The following PCDH9 variants were observed in gnomAD, a reference collection of about 807,000 sequenced individuals.
PCDH9 encodes the protein protocadherin 9.
Under a neutral mutation model 70.6 loss-of-function variants are expected in PCDH9, and 24 were observed. That is an observed-to-expected ratio of 0.34 (90% CI 0.25 to 0.48). The LOEUF is 0.48. Among genes scored for constraint, PCDH9 ranks in the 20% least tolerant of loss-of-function variants. PCDH9 has a pLI of 0.99. For synonymous variants in PCDH9, 562 were observed against 558.5 expected (o/e 1.01, Z -0.09); for missense variants, 1,281 against 1,503.6 (o/e 0.85, Z 2.45).
chr13:67,067,822 T>C (rs879413008), intron 2 of PCDH9, among the ~76,000 whole-genome samples: 18 of 151,986 alleles, frequency 1.2e-4, no homozygotes, highest in African/African-American at 4.3e-4. Flanking sequence ...ACATTAAAGA[T>C]TGAAAACTAG....
At chr13:67,117,565 G>A (rs1192909371) in intron 2 of PCDH9, among the ~76,000 whole-genome samples, 1 of 152,096 alleles carries the variant, frequency 6.6e-6, no homozygotes, top group African/African-American at 2.4e-5. Flanking sequence ...AGGAAAAAGA[G>A]TAAAGTATAA....
At chr13:66,952,630 A>C (rs944926305) in intron 2 of PCDH9, among the ~76,000 whole-genome samples, 7 of 152,118 alleles carry the variant, frequency 4.6e-5, no homozygotes, top group African/African-American at 1.7e-4. Flanking sequence ...CCTCCATTAC[A>C]TCTTGGCTAC....
At chr13:66,424,394 A>G (rs1282982988) in intron 4 of PCDH9, among the ~76,000 whole-genome samples, 1 of 151,912 alleles carries the variant, frequency 6.6e-6, no homozygotes, top group Non-Finnish European at 1.5e-5. Context: ...CTTCTTCAGG[A>G]AGGTTAAATG....
chr13:67,061,848 T>C (rs1368200036), intron 2 of PCDH9, among the ~76,000 whole-genome samples: 1 of 152,154 alleles, frequency 6.6e-6, no homozygotes, highest in Non-Finnish European at 1.5e-5. Context: ...AATTCCTTTC[T>C]TGAATCGTCT....
rs1239218768 is a variant in PCDH9, at chr13:66,322,189, T to C, written c.3341-17161A>G. ...AAAATTTCTTTCTATGAGAATACAT[T>C]CTGGGTTCAGAGTACTCAAGTCCCT... is the stretch of plus-strand genomic sequence containing the variant. On this transcript the variant is annotated intron_variant, in intron 4 of 4. Coordinates refer to ENST00000377865, the MANE Select transcript of PCDH9 (RefSeq NM_203487.3). 3.9e-5 allele frequency among the ~76,000 whole-genome samples: 6 copies of C among 151,948 alleles called. No homozygotes were observed. In the South Asian group the frequency reaches 8.3e-4, roughly 21 times the overall value.
intron 4 of PCDH9, among the ~76,000 whole-genome samples, chr13:66,556,777 G>A (rs1961758906): frequency 6.6e-6 from 1 of 151,950 alleles, no homozygotes; most frequent in Non-Finnish European, 1.5e-5. Flanking sequence ...ATAGCTGTTT[G>A]GTAGAAAGAA....
intron 4 of PCDH9, among the ~76,000 whole-genome samples, chr13:66,459,025 G>C (rs1472025559): frequency 6.6e-6 from 1 of 151,956 alleles, no homozygotes; most frequent in Non-Finnish European, 1.5e-5. Flanking sequence ...AGGGGGAGCA[G>C]AGGGTGCTTT....
intron 3 of PCDH9, among the ~76,000 whole-genome samples, chr13:66,799,814 C>T (rs1034304833): frequency 5.3e-5 from 8 of 152,096 alleles, no homozygotes; most frequent in African/African-American, 1.4e-4. Context: ...AAAATGTGGG[C>T]TTTTGGCAAT....
intron 2 of PCDH9, among the ~76,000 whole-genome samples, chr13:67,135,722 C>G (rs9599188): frequency 6.6e-6 from 1 of 151,888 alleles, no homozygotes; most frequent in South Asian, 2.1e-4. Context: ...CAATTAAAAA[C>G]AAAAAAGCAC....
intron 4 of PCDH9, 123 bp downstream of exon 4, chr13:66,631,087 C>A: frequency 1.6e-6 from 1 of 644,228 alleles, no homozygotes; most frequent in Non-Finnish European, 2.8e-6. Context: ...ACAGCAACAA[C>A]AATAAAGCCA....
chr13:66,473,726 T>C (rs1958664272), intron 4 of PCDH9, among the ~76,000 whole-genome samples: 1 of 152,170 alleles, frequency 6.6e-6, no homozygotes, highest in Non-Finnish European at 1.5e-5. Context: ...GAGCTAAAGC[T>C]CAAGTTATTA....
At chr13:67,093,729 G>A (rs1361711911) in intron 2 of PCDH9, among the ~76,000 whole-genome samples, 1 of 152,152 alleles carries the variant, frequency 6.6e-6, no homozygotes, top group Non-Finnish European at 1.5e-5. Context: ...TGGGGCCCAT[G>A]ACTGGGGCTG....
chr13:66,625,828 T>A (rs1234487393), intron 4 of PCDH9, among the ~76,000 whole-genome samples: 3 of 151,634 alleles, frequency 2.0e-5, no homozygotes, highest in African/African-American at 7.3e-5. Flanking sequence ...ACCTGGCTCA[T>A]TTTTTTTGTA....
At chr13:66,431,241 A>C (rs996070937) in intron 4 of PCDH9, among the ~76,000 whole-genome samples, 9 of 152,118 alleles carry the variant, frequency 5.9e-5, no homozygotes, top group African/African-American at 2.2e-4. Context: ...TATAAAATGT[A>C]TAAAATGTAT....
intron 3 of PCDH9, among the ~76,000 whole-genome samples, chr13:66,714,471 A>C (rs2078843172): frequency 1.3e-5 from 2 of 151,952 alleles, no homozygotes; most frequent in South Asian, 4.1e-4. Context: ...CTCAAAAAAA[A>C]AAAAACAAAA....
In PCDH9 at chr13:66,562,720, G is replaced by A. The variant is rs963918033; in HGVS notation, c.3340+68490C>T. On this transcript the variant is annotated intron_variant, in intron 4 of 4. Transcript: ENST00000377865. ...TGCAATTCAAGATGAGATTTGGGTGGAGACACAGCCAAATGGTATCAATGC... is the reference window on the plus strand; with the variant it reads ...TGCAATTCAAGATGAGATTTGGGTGAAGACACAGCCAAATGGTATCAATGC... 2.6e-5 allele frequency among the ~76,000 whole-genome samples: 4 copies of A among 152,146 alleles called. No individual in the cohort carries two copies. In the South Asian group the frequency reaches 8.3e-4, roughly 32 times the overall value.
At chr13:66,834,370 G>T (rs146171622) in intron 3 of PCDH9, among the ~76,000 whole-genome samples, 2,463 of 151,954 alleles carry the variant, frequency 0.016, 82 homozygotes, top group African/African-American at 0.056. Flanking sequence ...TCAAACTGCT[G>T]ACCTCAGGTG....
At chr13:66,399,748 G>T (rs1957157086) in intron 4 of PCDH9, among the ~76,000 whole-genome samples, 1 of 151,532 alleles carries the variant, frequency 6.6e-6, no homozygotes, top group African/African-American at 2.4e-5. Flanking sequence ...GAAAAAAAAG[G>T]ACAGGTTTTT....
chr13:66,860,353 TGGA>T (rs999224192), intron 3 of PCDH9, among the ~76,000 whole-genome samples: 34 of 150,262 alleles, frequency 2.3e-4, no homozygotes, highest in African/African-American at 7.8e-4. Flanking sequence ...GGAGGGGTGG[TGGA>T]GGGGAGCTGC....
Sources: allele counts gnomAD v4.1 joint callset (sites outside exome capture counted in the v4.1 genomes callset), GRCh38; gene constraint gnomAD v4.1.1; transcripts MANE v1.5; gene names NCBI Gene and HGNC (gene_info 2026-07-23, HGNC 2026-07-21).